ADGRD2: variants seen among roughly 807,000 people sequenced by gnomAD.
ADGRD2 encodes G protein-coupled receptor PGR24.
ADGRD2 carries 71 observed loss-of-function variants against 44.4 expected under a neutral mutation model. The observed-to-expected ratio is 1.60, with a 90% CI of 1.32 to 1.95. The LOEUF (loss-of-function observed/expected upper bound fraction) is 1.95, where lower values mean the gene tolerates loss of function less well. Ranked by LOEUF, ADGRD2 falls within the 30% of genes most tolerant of loss-of-function variation. ADGRD2 has a pLI of 0.00. For synonymous variants in ADGRD2, 481 were observed against 224.8 expected (o/e 2.14, Z -10.19); for missense variants, 1,039 against 512.4 (o/e 2.03, Z -9.92).
intron 17 of ADGRD2, among the ~76,000 whole-genome samples, chr9:124,471,037 T>A (rs765419620): frequency 3.2e-4 from 48 of 152,088 alleles, no homozygotes; most frequent in Non-Finnish European, 6.2e-4. Flanking sequence ...TAGAAGAGGG[T>A]TTGGTGAGGA....
chr9:124,455,257 CT>C (rs1405905817), intron 6 of ADGRD2, 130 bp downstream of exon 9: 1 of 573,854 alleles, frequency 1.7e-6, no homozygotes, highest in Non-Finnish European at 3.1e-6. Context: ...TCCTGAAAAG[CT>C]TCTCTTTTGT....
intron 10 of ADGRD2, among the ~76,000 whole-genome samples, chr9:124,463,591 A>AT (rs1831758208): frequency 1.3e-5 from 2 of 152,124 alleles, no homozygotes; most frequent in Non-Finnish European, 2.9e-5. Flanking sequence ...TTGTGGAAAG[A>AT]TTTTTAATTG....
chr9:124,477,969 C>T (rs1374427280), intron 21 of ADGRD2, among the ~76,000 whole-genome samples: 4 of 152,120 alleles, frequency 2.6e-5, no homozygotes, highest in Non-Finnish European at 4.4e-5. Context: ...CCGGACCCCC[C>T]ACCCGGCCCG....
intron 19 of ADGRD2, among the ~76,000 whole-genome samples, chr9:124,475,928 C>G (rs935489943): frequency 6.6e-6 from 1 of 152,198 alleles, no homozygotes; most frequent in Non-Finnish European, 1.5e-5. Context: ...GAAACCAGGG[C>G]CCAGGAAACT....
At chr9:124,468,476 C>T (rs761604083) in intron 13 of ADGRD2, 43 bp from the exon 17 acceptor site, 4 of 717,106 alleles carry the variant, frequency 5.6e-6, no homozygotes, top group Non-Finnish European at 1.0e-5. Flanking sequence ...CCTGCACCTG[C>T]GTCTGACCTC....
chr9:124,453,048 C>A (rs1268432380), exon 3 of ADGRD2: 8 of 670,636 alleles, frequency 1.2e-5, no homozygotes, highest in Admixed American at 2.3e-5. Flanking sequence ...CGCGCACCAC[C>A]GCCGTGCTGG....
chr9:124,477,439 A>C (rs1033625025), intron 21 of ADGRD2, among the ~76,000 whole-genome samples: 3 of 152,236 alleles, frequency 2.0e-5, no homozygotes, highest in Non-Finnish European at 4.4e-5. Context: ...GGGCAGGTTC[A>C]GTGCTCAGCC....
intron 21 of ADGRD2, chr9:124,476,978 T>C (rs1401562598): frequency 1.5e-6 from 1 of 678,396 alleles, no homozygotes; most frequent in Admixed American, 2.1e-5. Flanking sequence ...CCTCCCTCTG[T>C]CCTCCCCTCT....
At chr9:124,453,100 A>T in exon 3 of ADGRD2, 1 of 697,912 alleles carries the variant, frequency 1.4e-6, no homozygotes, top group Non-Finnish European at 2.6e-6. Flanking sequence ...GCGGCTGCGG[A>T]GCCCTCTGCC....
intron 6 of ADGRD2, among the ~76,000 whole-genome samples, chr9:124,455,331 C>T (rs1831594013): frequency 6.6e-6 from 1 of 152,200 alleles, no homozygotes; most frequent in African/African-American, 2.4e-5. Flanking sequence ...TGGCTCACGC[C>T]CATAATCCCA....
At chr9:124,470,533 A>C in exon 17 of ADGRD2, 1 of 711,142 alleles carries the variant, frequency 1.4e-6, no homozygotes, top group Non-Finnish European at 2.6e-6. Context: ...TGCCCGTCCT[A>C]GGCCTGACCT....
At chr9:124,456,919 A>G (rs541437462) in intron 7 of ADGRD2, among the ~76,000 whole-genome samples, 186 bp downstream of exon 10, 2 of 152,064 alleles carry the variant, frequency 1.3e-5, no homozygotes, top group African/African-American at 4.8e-5. Context: ...ATCCTTCAGA[A>G]CCCTGTGTGG....
intron 17 of ADGRD2, 128 bp downstream of exon 20, chr9:124,470,742 C>T: frequency 3.4e-6 from 2 of 591,310 alleles, no homozygotes. Context: ...GCAACTGGGA[C>T]ATCCTATCTA....
rs896097274 is a variant in ADGRD2, at chr9:124,469,766, C to G, written c.2637+219C>G. Among the ~76,000 whole-genome samples, 4 of 152,260 alleles carry G rather than the reference C, an allele frequency of 2.6e-5. No individual in the cohort carries two copies. The East Asian group carries it at 7.7e-4, about 29-fold the overall frequency. ...CAACATGTGTCAACATGCACCCATG[C>G]GTGTCACATGTGGGGATGGTCACTG... On this transcript the variant is annotated intron_variant, in intron 16 of 21. Transcript: ENST00000334810.
intron 17 of ADGRD2, among the ~76,000 whole-genome samples, chr9:124,471,209 G>A (rs1357095162): frequency 1.3e-5 from 2 of 152,270 alleles, no homozygotes; most frequent in East Asian, 3.9e-4. Flanking sequence ...GGGGCTGGGT[G>A]CTGGGAGTCA....
At chr9:124,469,495 C>A (rs1570580) in exon 16 of ADGRD2, 62 of 717,998 alleles carry the variant, frequency 8.6e-5, no homozygotes, top group South Asian at 6.5e-4. Context: ...CCGCCGTGCC[C>A]GCATGTTGAG....
At chr9:124,460,092 A>G (rs1831698735) in intron 10 of ADGRD2, among the ~76,000 whole-genome samples, 1 of 131,248 alleles carries the variant, frequency 7.6e-6, no homozygotes, top group Admixed American at 7.1e-5. Context: ...TTGGACACAC[A>G]CACACACACA....
chr9:124,462,222 G>A (rs1316539810), intron 10 of ADGRD2, among the ~76,000 whole-genome samples: 3 of 150,962 alleles, frequency 2.0e-5, no homozygotes, highest in Non-Finnish European at 4.4e-5. Context: ...GATCTACCAT[G>A]CCTGGCTAAT....
chr9:124,452,572 C>A (rs1274320918), exon 2 of ADGRD2: 1 of 718,542 alleles, frequency 1.4e-6, no homozygotes, highest in East Asian at 2.7e-5. Flanking sequence ...CTCTGGACAG[C>A]GACTGAGCTG....
Sources: gnomAD v4.1 joint callset for allele counts (sites outside exome capture counted in the v4.1 genomes callset) on GRCh38, gnomAD v4.1.1 for gene constraint, MANE v1.5 for transcripts, NCBI Gene and HGNC (gene_info 2026-07-23, HGNC 2026-07-21) for gene names.